ZNF234: variants seen among roughly 807,000 people sequenced by gnomAD.
The protein encoded by ZNF234 is C2-H2 type zinc finger protein.
Under a neutral mutation model 10.3 loss-of-function variants are expected in ZNF234, and 4 were observed. That is an observed-to-expected ratio of 0.39 (90% CI 0.19 to 0.89). The LOEUF (loss-of-function observed/expected upper bound fraction) is 0.89. ZNF234 is among the 40% of genes least tolerant of loss of function. The pLI is 0.38. For missense variants in ZNF234, 711 were observed against 836.1 expected (o/e 0.85, Z 1.85); for synonymous variants, 258 against 280.1 (o/e 0.92, Z 0.79).
chr19:44,157,117 T>C lies in ZNF234; in HGVS notation c.1101T>C (p.Thr367=), dbSNP rs1968907950. Residue 367 remains threonine, a synonymous_variant, in exon 6 of 6, where the codon ACT becomes ACC. Coordinates refer to ENST00000426739, the MANE Select transcript of ZNF234 (RefSeq NM_006630.3). ...TTCAGGCCCATCGGAGAATCCACAC[T>C]GGAGAGAAACCATACGTATGTAAAG... ...SQFQAHRRIH[T]GEKPYVCKVC... 5.0e-6 allele frequency: 8 copies of C among 1,613,928 alleles called. No homozygotes were observed. The highest frequency in any genetic ancestry group is 1.3e-5 in the African/African-American group (1 of 74,880).
rs147776405 is a variant in ZNF234 at position 44,146,865 on chromosome 19, G to C, written c.16-1906G>C. Among the ~76,000 whole-genome samples the C allele has an allele frequency of 7.5e-3, 1,056 of 140,210 alleles. 15 individuals carry two copies. Among genetic ancestry groups the C allele is most frequent in the African/African-American group, 0.026 (997 of 37,946 alleles). 92.0% of individuals were successfully genotyped at this position (140,210 alleles called of 152,430 possible). On this transcript the variant is annotated intron_variant, in intron 3 of 5. Coordinates refer to ENST00000426739, the MANE Select transcript of ZNF234 (RefSeq NM_006630.3). ...GAGTCTGGCTCTGTTGCCCAGGCTG[G>C]AGTGCAGTGGTACGATCACGGCTCA...
At chr19:44,149,154 C>T (rs1007775058) in intron 4 of ZNF234, among the ~76,000 whole-genome samples, 4 of 152,014 alleles carry the variant, frequency 2.6e-5, no homozygotes, top group East Asian at 1.9e-4. Flanking sequence ...TGAAAATAAA[C>T]GGGGGCCAGG....
At chr19:44,148,596 T>G (rs1968658893) in intron 3 of ZNF234, 175 bp from the exon 4 acceptor site, 1 of 881,758 alleles carries the variant, frequency 1.1e-6, no homozygotes, top group Admixed American at 1.7e-5. Context: ...TTACTGACAC[T>G]AAGGAAAATC....
rs1200005839 is a variant in ZNF234, at chr19:44,157,220, T to G, written c.1204T>G (p.Cys402Gly). ...CCACACTGGAGAGAAGCCATACAAA[T>G]GCAATGAGTGTGGGAAGAGCTTCAG... ...GVHTGEKPYK[C>G]NECGKSFRMK... Residue 402 changes from cysteine (C) to glycine (G), a missense_variant, in exon 6 of 6, where the codon TGC becomes GGC. Physicochemically the swap from Cys to Gly is radical, Grantham distance 159. Coordinates refer to ENST00000426739, the MANE Select transcript of ZNF234 (RefSeq NM_006630.3). 1 of 1,614,062 alleles carries G rather than the reference T, an allele frequency of 6.2e-7. No homozygotes were observed. Among genetic ancestry groups the G allele is most frequent in the Non-Finnish European group, 8.5e-7 (1 of 1,180,032 alleles).
In ZNF234 at chr19:44,157,505, G is replaced by A. The variant is rs1968930257; in HGVS notation, c.1489G>A (p.Ala497Thr). 1 of 1,613,824 alleles carries A rather than the reference G, an allele frequency of 6.2e-7. No homozygotes were observed. The highest frequency in any genetic ancestry group is 8.5e-7 in the Non-Finnish European group (1 of 1,179,930). Residue 497 changes from alanine (A) to threonine (T), a missense_variant, in exon 6 of 6, where the codon GCA becomes ACA. Physicochemically the swap from Ala to Thr is moderately conservative, Grantham distance 58. Coordinates refer to ENST00000426739, the MANE Select transcript of ZNF234 (RefSeq NM_006630.3). ...EECGKGFSRR[A>T]DLKIHCRIHT... ...GTGCGGAAAGGGATTTAGTCGTAGA[G>A]CAGATCTTAAAATTCATTGTAGGAT...
chr19:44,156,727 TGGGA>T lies in ZNF234; in HGVS notation c.712_715del (p.Gly238LysfsTer173). On this transcript the variant is annotated frameshift_variant, in exon 6 of 6. Coordinates refer to ENST00000426739, the MANE Select transcript of ZNF234 (RefSeq NM_006630.3). LOFTEE classifies it low-confidence loss of function (END_TRUNC). ...AGAAACCATTCAAATGTGTGGAATGTGGGAAAGGCTTCAGTCGTAGATCAACACT... is the reference window on the plus strand; with the variant it reads ...AGAAACCATTCAAATGTGTGGAATGTAAGGCTTCAGTCGTAGATCAACACT... 1 of 1,614,006 alleles carries T rather than the reference TGGGA, an allele frequency of 6.2e-7. No homozygotes were observed. The highest frequency in any genetic ancestry group is 1.1e-5 in the South Asian group (1 of 91,080).
chr19:44,150,224 A>G (rs529436116), intron 4 of ZNF234, among the ~76,000 whole-genome samples, 189 bp from the exon 5 acceptor site: 2 of 152,214 alleles, frequency 1.3e-5, no homozygotes, highest in Non-Finnish European at 2.9e-5. Flanking sequence ...ATAGGTTTTT[A>G]TAGCACATAT....
chr19:44,145,618 C>T (rs1968570199), intron 3 of ZNF234, among the ~76,000 whole-genome samples: 1 of 152,172 alleles, frequency 6.6e-6, no homozygotes, highest in Admixed American at 6.5e-5. Context: ...TCTCGAACTC[C>T]TAACCTCAGA....
chr19:44,157,504 A>G lies in ZNF234; in HGVS notation c.1488A>G (p.Arg496=). ...AGTGCGGAAAGGGATTTAGTCGTAG[A>G]GCAGATCTTAAAATTCATTGTAGGA... The part of the protein sequence containing the change: ...CEECGKGFSR[R]ADLKIHCRIH... The change falls in exon 6 of 6, where the codon AGA becomes AGG. Residue 496 remains arginine, a synonymous_variant. Transcript: ENST00000426739. The G allele has an allele frequency of 1.2e-6, 2 of 1,614,058 alleles. No individual in the cohort carries two copies. Among genetic ancestry groups the G allele is most frequent in the Non-Finnish European group, 1.7e-6 (2 of 1,180,000 alleles).
chr19:44,148,124 G>A (rs1274097494), intron 3 of ZNF234, among the ~76,000 whole-genome samples: 1 of 152,072 alleles, frequency 6.6e-6, no homozygotes, highest in East Asian at 1.9e-4. Context: ...CTTTTTCAAC[G>A]TTTGAAAGAA....
In ZNF234 at chr19:44,156,717, G is replaced by A. The variant is rs1460161473; in HGVS notation, c.701G>A (p.Cys234Tyr). 4.3e-6 allele frequency: 7 copies of A among 1,614,044 alleles called. No individual in the cohort carries two copies. Among genetic ancestry groups the A allele is most frequent in the African/African-American group, 2.7e-5 (2 of 74,932 alleles). Residue 234 changes from cysteine (C) to tyrosine (Y), a missense_variant, in exon 6 of 6, where the codon TGT becomes TAT. Cys to Tyr is a radical substitution (Grantham distance 194). Coordinates refer to ENST00000426739, the MANE Select transcript of ZNF234 (RefSeq NM_006630.3). ...RVHTVEKPFK[C>Y]VECGKGFSRR... is the part of the protein sequence containing the mutation. ...CACACTGTAGAGAAACCATTCAAAT[G>A]TGTGGAATGTGGGAAAGGCTTCAGT...
At chr19:44,149,577 T>C (rs1204096560) in intron 4 of ZNF234, among the ~76,000 whole-genome samples, 1 of 152,016 alleles carries the variant, frequency 6.6e-6, no homozygotes, top group Non-Finnish European at 1.5e-5. Context: ...CAGACAGAAA[T>C]GTGAGGTTAG....
In ZNF234 at chr19:44,156,708, C is replaced by T; in HGVS notation, c.692C>T (p.Pro231Leu). 6.2e-7 allele frequency: 1 copy of T among 1,614,124 alleles called. No homozygotes were observed. The change falls in exon 6 of 6, where the codon CCA (proline) becomes CTA (leucine). Residue 231 changes from proline to leucine, a missense_variant. Coordinates refer to ENST00000426739, the MANE Select transcript of ZNF234 (RefSeq NM_006630.3). Reference protein sequence around the residue: ...THQRVHTVEKPFKCVECGKGF... With the variant: ...THQRVHTVEKLFKCVECGKGF... The stretch of plus-strand genomic sequence containing the variant: ...CAGAGAGTCCACACTGTAGAGAAAC[C>T]ATTCAAATGTGTGGAATGTGGGAAA...
chr19:44,149,460 T>C (rs915430117), intron 4 of ZNF234, among the ~76,000 whole-genome samples: 8 of 151,936 alleles, frequency 5.3e-5, no homozygotes, highest in Non-Finnish European at 1.0e-4. Flanking sequence ...AAAAAAGACA[T>C]TGGTTAGAAA....
chr19:44,150,662 T>C (rs1393600219), intron 5 of ZNF234, among the ~76,000 whole-genome samples, 157 bp downstream of exon 5: 2 of 152,122 alleles, frequency 1.3e-5, no homozygotes, highest in African/African-American at 2.4e-5. Context: ...CCCTCAATAG[T>C]ATAAAGTATG....
In ZNF234 at chr19:44,157,916, A is replaced by G; in HGVS notation, c.1900A>G (p.Ser634Gly). The G allele has an allele frequency of 6.2e-7, 1 of 1,614,200 alleles. No homozygotes were observed. The highest frequency in any genetic ancestry group is 8.5e-7 in the Non-Finnish European group (1 of 1,180,020). Residue 634 changes from serine (S) to glycine (G), a missense_variant, in exon 6 of 6, where the codon AGT becomes GGT. By Grantham distance (56) the Ser-to-Gly change is moderately conservative. Coordinates refer to ENST00000426739, the MANE Select transcript of ZNF234 (RefSeq NM_006630.3). ...ATGTGATGTATGTGGTAAAGTCTTC[A>G]GTCGGTCTTCACAATTACAGTATCA... ...YKCDVCGKVF[S>G]RSSQLQYHRR...
chr19:44,145,073 C>A (rs1263756072), intron 3 of ZNF234, among the ~76,000 whole-genome samples: 2 of 152,102 alleles, frequency 1.3e-5, no homozygotes, highest in Non-Finnish European at 2.9e-5. Context: ...GAACCAATTC[C>A]CCAAGCGTAT....
rs760022893 is a variant in ZNF234, at chr19:44,157,334, A to C, written c.1318A>C (p.Ser440Arg). ...CEVCGKAFRQ[S>R]SYLKIHLKAH... ...AGTATGTGGTAAAGCCTTCCGTCAG[A>C]GTTCATATCTTAAAATCCATCTGAA... is the stretch of plus-strand genomic sequence containing the variant. Residue 440 changes from serine (S) to arginine (R), a missense_variant, in exon 6 of 6, where the codon AGT becomes CGT. Coordinates refer to ENST00000426739, the MANE Select transcript of ZNF234 (RefSeq NM_006630.3). 1.4e-5 allele frequency: 22 copies of C among 1,613,800 alleles called. No homozygotes were observed. Among genetic ancestry groups the C allele is most frequent in the Non-Finnish European group, 1.9e-5 (22 of 1,179,882 alleles).
chr19:44,149,242 C>G (rs1362429501), intron 4 of ZNF234, among the ~76,000 whole-genome samples: 1 of 152,122 alleles, frequency 6.6e-6, no homozygotes, highest in East Asian at 1.9e-4. Context: ...GAGTTCGAGA[C>G]CAGCCTGGCC....
Sources: gnomAD v4.1 joint callset for allele counts (sites outside exome capture counted in the v4.1 genomes callset) on GRCh38, gnomAD v4.1.1 for gene constraint, MANE v1.5 for transcripts, NCBI Gene and HGNC (gene_info 2026-07-23, HGNC 2026-07-21) for gene names.